PDS5A: variants seen among roughly 807,000 people sequenced by gnomAD.
PDS5A encodes the protein PDS5 cohesin associated factor A, also known as sister chromatid cohesion protein PDS5 homolog A.
Under a neutral mutation model 167.1 loss-of-function variants are expected in PDS5A, and 42 were observed. The observed-to-expected ratio is 0.25, with a 90% confidence interval of 0.20 to 0.33. The LOEUF is 0.33. PDS5A is among the 10% of genes least tolerant of loss of function. The pLI, the probability that PDS5A is intolerant of heterozygous loss-of-function variation, is 1.00. For missense variants in PDS5A, 1,033 were observed against 1,605.9 expected (o/e 0.64, Z 6.10); for synonymous variants, 553 against 554.6 (o/e 1.00, Z 0.04).
At position 39,944,191 on chromosome 4, in the gene PDS5A, A is replaced by AG. The variant is rs1306190013; in HGVS notation, c.139-16028_139-16027insC. 5.3e-5 allele frequency among the ~76,000 whole-genome samples: 8 copies of AG among 151,962 alleles called. No homozygotes were observed. In the East Asian group the frequency reaches 1.4e-3, roughly 26 times the overall value. On this transcript the variant is annotated intron_variant, in intron 2 of 32. Transcript: ENST00000303538. Reference sequence around the variant, plus strand: ...GAGACTCCGTCTCAAAAAAAAAAAAAAAAAAAAATACACTATTAATCATTA... The same window carrying AG: ...GAGACTCCGTCTCAAAAAAAAAAAAAGAAAAAAAATACACTATTAATCATTA...
chr4:39,845,914 A>T, intron 28 of PDS5A, 34 bp from the exon 29 acceptor site: 1 of 1,308,016 alleles, frequency 7.6e-7, no homozygotes, highest in Non-Finnish European at 9.9e-7. Context: ...GAAAAAAGAA[A>T]CACCAATCAA....
At chr4:39,917,742 T>G (rs1457643738) in intron 7 of PDS5A, among the ~76,000 whole-genome samples, 1 of 152,118 alleles carries the variant, frequency 6.6e-6, no homozygotes, top group Non-Finnish European at 1.5e-5. Flanking sequence ...GCCCAGCTAA[T>G]TTTTGTATTT....
chr4:39,971,179 G>C (rs1211683148), intron 2 of PDS5A, among the ~76,000 whole-genome samples: 1 of 150,172 alleles, frequency 6.7e-6, no homozygotes, highest in Non-Finnish European at 1.5e-5. Flanking sequence ...TTGTTTTCGA[G>C]ACAGAGTCGC....
rs1158287221 is a variant in PDS5A, at chr4:39,829,950, C to CAAAAAAAAAAAAAAA, written c.4011-4477_4011-4463dup. Among the ~76,000 whole-genome samples, 22 of 67,304 alleles carry CAAAAAAAAAAAAAAA rather than the reference C, an allele frequency of 3.3e-4. 1 individual carries two copies. The highest frequency in any genetic ancestry group is 0.012 in the Middle Eastern group (1 of 84). 44.2% of individuals were successfully genotyped at this position (67,304 alleles called of 152,430 possible). A position where few individuals can be genotyped will look rare whatever the true frequency, so the allele number is the denominator to read the frequency against. On this transcript the variant is annotated intron_variant, in intron 32 of 32. Transcript: ENST00000303538. Reference sequence around the variant, plus strand: ...TGGGCGACAGACTGAGACTCCAACTCAAAAAAAAAAAAAAAAAAAAAAAAA... The same window carrying CAAAAAAAAAAAAAAA: ...TGGGCGACAGACTGAGACTCCAACTCAAAAAAAAAAAAAAAAAAAAAAAAAAAAAAAAAAAAAAAA...
chr4:39,850,099 C>T (rs1352195709), intron 26 of PDS5A, among the ~76,000 whole-genome samples: 3 of 151,698 alleles, frequency 2.0e-5, no homozygotes, highest in East Asian at 1.9e-4. Context: ...GGTGAAACCC[C>T]GTCTCTACTA....
chr4:39,927,676 A>T (rs1179405529), intron 3 of PDS5A, among the ~76,000 whole-genome samples: 3 of 152,232 alleles, frequency 2.0e-5, no homozygotes, highest in Non-Finnish European at 4.4e-5. Flanking sequence ...TCCCTGGAAC[A>T]TAGCTATCTG....
chr4:39,966,523 C>A lies in PDS5A; in HGVS notation c.138+9917G>T, dbSNP rs559519199. 8.5e-5 allele frequency among the ~76,000 whole-genome samples: 13 copies of A among 152,204 alleles called. No individual in the cohort carries two copies. The East Asian group carries it at 1.9e-3, about 23-fold the overall frequency. On this transcript the variant is annotated intron_variant, in intron 2 of 32. Transcript: ENST00000303538. ...TTAGAGAAAATATAAGGAAAATACACCTGGTGGGAAAAAACGAGGATACTT... is the reference window on the plus strand; with the variant it reads ...TTAGAGAAAATATAAGGAAAATACAACTGGTGGGAAAAAACGAGGATACTT...
chr4:39,913,728 TAAG>T lies in PDS5A; in HGVS notation c.877-5_877-3del, dbSNP rs749156083. On this transcript the variant is annotated splice_region_variant and splice_polypyrimidine_tract_variant and intron_variant, in intron 8 of 32. Coordinates refer to ENST00000303538, the MANE Select transcript of PDS5A (RefSeq NM_001100399.2). ...TAATCGCTCTTCTCCATCATTGCTC[TAAG>T]AAGGGAAAACAGAAAGTGAAGCCTA... is the stretch of plus-strand genomic sequence containing the variant. 2 of 1,511,486 alleles carry T rather than the reference TAAG, an allele frequency of 1.3e-6. No homozygotes were observed. Among genetic ancestry groups the T allele is most frequent in the Non-Finnish European group, 1.8e-6 (2 of 1,086,814 alleles). The allele number at this position is 1,511,486 out of a possible 1,614,324, so 93.6% of individuals were successfully genotyped here. A position where few individuals can be genotyped will look rare whatever the true frequency, so the allele number is the denominator to read the frequency against.
At chr4:39,873,555 T>A (rs1160340723) in intron 20 of PDS5A, among the ~76,000 whole-genome samples, 4 of 152,142 alleles carry the variant, frequency 2.6e-5, no homozygotes, top group Non-Finnish European at 4.4e-5. Context: ...ATCTCCAATT[T>A]ATGATAATAG....
At chr4:39,872,640 G>A (rs2109572997) in intron 21 of PDS5A, among the ~76,000 whole-genome samples, 1 of 152,282 alleles carries the variant, frequency 6.6e-6, no homozygotes, top group South Asian at 2.1e-4. Context: ...CACAGAGCGA[G>A]ACTCTTGTCT....
intron 17 of PDS5A, among the ~76,000 whole-genome samples, chr4:39,887,058 C>T (rs935859087): frequency 1.3e-5 from 2 of 151,986 alleles, no homozygotes; most frequent in African/African-American, 2.4e-5. Flanking sequence ...ATGTCATCTG[C>T]GAACAAGGCT....
At chr4:39,826,473 T>TTTTATTTGTTTATTTA (rs1715329652) in intron 32 of PDS5A, among the ~76,000 whole-genome samples, 1 of 143,714 alleles carries the variant, frequency 7.0e-6, no homozygotes, top group South Asian at 2.3e-4. Context: ...CATTCCACAT[T>TTTTATTTGTTTATTTA]TTTATTTATT....
intron 26 of PDS5A, among the ~76,000 whole-genome samples, chr4:39,855,977 G>C (rs1454090864): frequency 1.3e-5 from 2 of 152,108 alleles, no homozygotes; most frequent in Admixed American, 1.3e-4. Context: ...ATACATCCAA[G>C]AAACTCAGTG....
At chr4:39,918,829 G>T (rs1578741436) in intron 7 of PDS5A, among the ~76,000 whole-genome samples, 1 of 152,090 alleles carries the variant, frequency 6.6e-6, no homozygotes, top group East Asian at 1.9e-4. Context: ...CTCCAGCCTG[G>T]GCAACAGGGC....
intron 9 of PDS5A, among the ~76,000 whole-genome samples, chr4:39,912,214 A>G (rs1273750871): frequency 1.3e-5 from 2 of 152,232 alleles, no homozygotes; most frequent in African/African-American, 4.8e-5. Context: ...GCAGACTGTG[A>G]CTTGTTTCTA....
chr4:39,895,141 G>A (rs1012197012), intron 16 of PDS5A, among the ~76,000 whole-genome samples: 1 of 142,666 alleles, frequency 7.0e-6, no homozygotes, highest in Admixed American at 7.7e-5. Flanking sequence ...GCAAGAGAAC[G>A]CAGTGAGCCA....
intron 30 of PDS5A, among the ~76,000 whole-genome samples, chr4:39,843,987 G>C (rs1251059197): frequency 1.3e-5 from 2 of 151,620 alleles, no homozygotes; most frequent in African/African-American, 4.8e-5. Context: ...TTTATGAAAA[G>C]TACAAAAGAA....
intron 2 of PDS5A, among the ~76,000 whole-genome samples, chr4:39,972,246 G>A (rs890244197): frequency 2.0e-5 from 3 of 152,194 alleles, no homozygotes; most frequent in Non-Finnish European, 4.4e-5. Context: ...GGTTGGCTGG[G>A]CGCGGTGGCT....
intron 2 of PDS5A, among the ~76,000 whole-genome samples, chr4:39,965,749 A>C (rs1184199722): frequency 6.6e-6 from 1 of 152,196 alleles, no homozygotes; most frequent in Non-Finnish European, 1.5e-5. Context: ...TCATCTAGAC[A>C]AAAAGCAGAA....
Sources: allele counts gnomAD v4.1 joint callset (sites outside exome capture counted in the v4.1 genomes callset), GRCh38; gene constraint gnomAD v4.1.1; transcripts MANE v1.5; gene names NCBI Gene and HGNC (gene_info 2026-07-23, HGNC 2026-07-21).